TAMM41: variants seen among roughly 807,000 people sequenced by gnomAD.
TAMM41 encodes the protein TAM41 mitochondrial translocator assembly and maintenance homolog, also known as phosphatidate cytidylyltransferase, mitochondrial.
Under a neutral mutation model 44.1 loss-of-function variants are expected in TAMM41, and 36 were observed. The observed-to-expected ratio is 0.82, with a 90% CI of 0.63 to 1.08. The LOEUF (loss-of-function observed/expected upper bound fraction) is 1.08, where lower values mean the gene tolerates loss of function less well. TAMM41 is among the 50% of genes least tolerant of loss of function. The pLI is 0.00. For missense variants in TAMM41, 417 were observed against 404.3 expected, an observed-to-expected ratio of 1.03 and a Z score of -0.27; for synonymous variants, 164 against 153.1, an observed-to-expected ratio of 1.07 and a Z score of -0.53.
In TAMM41 at chr3:11,837,880, A is replaced by G. The variant is rs534060726; in HGVS notation, c.411+1342T>C. ...CAGTCATTGGAGAATCTTGAGGGGG[A>G]GGGCAGCAGGAGGGAGAGTGGACTG... On this transcript the variant is annotated intron_variant, in intron 3 of 7. Coordinates refer to ENST00000455809, the MANE Select transcript of TAMM41 (RefSeq NM_001284401.2). Among the ~76,000 whole-genome samples the G allele has an allele frequency of 2.0e-5, 3 of 152,212 alleles. 1 individual carries two copies. The South Asian group carries it at 6.2e-4, about 32-fold the overall frequency.
chr3:11,742,341 A>T, the TAMM41 span, among the ~76,000 whole-genome samples: 1 of 150,354 alleles, frequency 6.7e-6, no homozygotes, highest in Non-Finnish European at 1.5e-5. Context: ...ATCATACAGT[A>T]TGCAACCTTA....
chr3:11,774,556 G>A, the TAMM41 span, among the ~76,000 whole-genome samples: 1 of 152,240 alleles, frequency 6.6e-6, no homozygotes, highest in Admixed American at 6.5e-5. Flanking sequence ...GACTGCCCAG[G>A]GCCCTACTGC....
At chr3:11,807,614 A>G (rs2077955100) in intron 7 of TAMM41, 1 of 1,536,226 alleles carries the variant, frequency 6.5e-7, no homozygotes. Context: ...GAAGGGCAGT[A>G]AAGCTTCCAA....
chr3:11,778,562 T>C, the TAMM41 span, among the ~76,000 whole-genome samples: 4 of 152,224 alleles, frequency 2.6e-5, no homozygotes, highest in East Asian at 7.7e-4. Context: ...TAGCAGCCCA[T>C]GAGGGCTCCA....
At chr3:11,722,102 G>T in the TAMM41 span, among the ~76,000 whole-genome samples, 1 of 152,186 alleles carries the variant, frequency 6.6e-6, no homozygotes, top group Non-Finnish European at 1.5e-5. Flanking sequence ...GCTGCTAAAT[G>T]ATTTCCATTT....
the TAMM41 span, among the ~76,000 whole-genome samples, chr3:11,759,923 G>A: frequency 8.7e-4 from 132 of 152,102 alleles, no homozygotes; most frequent in Admixed American, 8.5e-3. Flanking sequence ...GCAGTGAGCC[G>A]AGATCGCGCC....
intron 7 of TAMM41, among the ~76,000 whole-genome samples, chr3:11,795,548 C>G (rs1427197728): frequency 6.6e-6 from 1 of 152,172 alleles, no homozygotes; most frequent in Non-Finnish European, 1.5e-5. Flanking sequence ...GTTTACTGCC[C>G]TTCCATTTGA....
At chr3:11,803,381 C>T (rs1218613076) in intron 7 of TAMM41, among the ~76,000 whole-genome samples, 1 of 151,898 alleles carries the variant, frequency 6.6e-6, no homozygotes, top group East Asian at 1.9e-4. Context: ...GAGGCAGTTG[C>T]TCTGTCTCAC....
chr3:11,797,374 T>C (rs1004127140), intron 7 of TAMM41, among the ~76,000 whole-genome samples: 4 of 152,140 alleles, frequency 2.6e-5, no homozygotes, highest in African/African-American at 7.2e-5. Flanking sequence ...TTTGACAAAG[T>C]AGGCAGAAAC....
chr3:11,728,030 G>A, the TAMM41 span, among the ~76,000 whole-genome samples: 16 of 151,648 alleles, frequency 1.1e-4, no homozygotes, highest in South Asian at 3.1e-3. Flanking sequence ...CAGGTGATCC[G>A]CCCACCTTGA....
At chr3:11,844,777 A>T (rs1400039960) in intron 1 of TAMM41, 2 of 367,074 alleles carry the variant, frequency 5.4e-6, no homozygotes, top group Non-Finnish European at 1.1e-5. Flanking sequence ...TTGAGTACAT[A>T]AGTAATGAAC....
At chr3:11,748,235 CAT>C in the TAMM41 span, among the ~76,000 whole-genome samples, 3 of 128,370 alleles carry the variant, frequency 2.3e-5, no homozygotes, top group East Asian at 2.3e-4. Context: ...AAGTAATTCA[CAT>C]GTCTCATATT....
the TAMM41 span, among the ~76,000 whole-genome samples, chr3:11,729,539 A>C: frequency 6.2e-5 from 2 of 32,294 alleles, no homozygotes; most frequent in African/African-American, 9.7e-5. Context: ...TCTTTCTTTC[A>C]TTTTTTTTTT....
chr3:11,786,382 G>A (rs141620833), downstream of TAMM41, among the ~76,000 whole-genome samples: 614 of 150,576 alleles, frequency 4.1e-3, 4 homozygotes, highest in African/African-American at 0.014. Context: ...TTGGCTCATC[G>A]CAACCTCCAC....
the TAMM41 span, among the ~76,000 whole-genome samples, chr3:11,764,563 G>A: frequency 7.0e-6 from 1 of 143,762 alleles, no homozygotes; most frequent in South Asian, 2.2e-4. Context: ...CGCGATCTCG[G>A]CTCACTGCAA....
At chr3:11,729,524 TCTTTTCTTTCTTTCA>T in the TAMM41 span, among the ~76,000 whole-genome samples, 3,337 of 128,730 alleles carry the variant, frequency 0.026, 156 homozygotes, top group East Asian at 0.16. Context: ...TTTCTTTCTT[TCTTTTCTTTCTTTCA>T]TTTTTTTTTT....
At chr3:11,736,218 C>T in the TAMM41 span, among the ~76,000 whole-genome samples, 2 of 152,276 alleles carry the variant, frequency 1.3e-5, no homozygotes, top group African/African-American at 4.8e-5. Context: ...ACCATCTCTC[C>T]TCGTGCAGCA....
intron 2 of TAMM41, among the ~76,000 whole-genome samples, chr3:11,840,462 T>A (rs1011464393): frequency 2.0e-4 from 30 of 152,110 alleles, no homozygotes; most frequent in Non-Finnish European, 1.9e-4. Context: ...CTCAAACTCC[T>A]GACCTCAGGT....
At chr3:11,724,932 C>G in the TAMM41 span, 1 of 152,318 alleles carries the variant, frequency 6.6e-6, no homozygotes. Context: ...ACAGCTTTGG[C>G]TCCCTTATTG....
Sources: allele counts gnomAD v4.1 joint callset (sites outside exome capture counted in the v4.1 genomes callset), GRCh38; gene constraint gnomAD v4.1.1; transcripts MANE v1.5; gene names NCBI Gene and HGNC (gene_info 2026-07-23, HGNC 2026-07-21).